Variants in PALB2 observed in about 807,000 individuals in gnomAD.
PALB2 encodes the protein mutant partner and localizer of BRCA2.
PALB2 carries 82 observed loss-of-function variants against 107.4 expected under a neutral mutation model. That is an observed-to-expected ratio of 0.76 (90% CI 0.64 to 0.92). PALB2 has a LOEUF of 0.92. Among genes scored for constraint, PALB2 ranks in the 40% least tolerant of loss-of-function variants. The pLI is 0.00. For missense variants in PALB2, 1,374 were observed against 1,379.9 expected (o/e 1.00, Z 0.07); for synonymous variants, 489 against 496.8 (o/e 0.98, Z 0.21).
At chr16:23,634,643 A>T (rs543984232) in intron 4 of PALB2, among the ~76,000 whole-genome samples, 14 of 77,502 alleles carry the variant, frequency 1.8e-4, no homozygotes, top group East Asian at 3.1e-4. Flanking sequence ...CTTTATTTTT[A>T]TTTATTTATT....
At chr16:23,633,571 C>G (rs1287141747) in intron 4 of PALB2, among the ~76,000 whole-genome samples, 1 of 152,196 alleles carries the variant, frequency 6.6e-6, no homozygotes, top group African/African-American at 2.4e-5. Context: ...TACAATGTAT[C>G]GTTGCTGCCC....
At chr16:23,605,589 A>G (rs1261678591) in intron 12 of PALB2, among the ~76,000 whole-genome samples, 38 of 152,082 alleles carry the variant, frequency 2.5e-4, no homozygotes, top group Admixed American at 2.5e-3. Context: ...TTGTATTTTT[A>G]GTGGAGACAG....
At chr16:23,611,692 A>C (rs1362645602) in intron 11 of PALB2, among the ~76,000 whole-genome samples, 1 of 152,094 alleles carries the variant, frequency 6.6e-6, no homozygotes, top group Non-Finnish European at 1.5e-5. Context: ...TCCCGACCTC[A>C]GGTGATCCAC....
rs2142253354 is a variant in PALB2 at position 23,603,561 on chromosome 16, A to T, written c.3459T>A (p.Pro1153=). ...LLGQCTALLP[P]VSDQHWSFVK... is the part of the protein sequence containing the mutation. ...CAAAAGACCAATGTTGGTCAGAGAC[A>T]GGTGGGAGGAGGGCAGTACACTGAC... Residue 1153 remains proline, a synonymous_variant, in exon 13 of 13, where the codon CCT becomes CCA. Transcript: ENST00000261584. The T allele has an allele frequency of 1.2e-6, 2 of 1,614,144 alleles. No individual in the cohort carries two copies. The highest frequency in any genetic ancestry group is 1.1e-5 in the South Asian group (1 of 91,080).
At chr16:23,626,785 C>A (rs968060391) in intron 6 of PALB2, among the ~76,000 whole-genome samples, 11 of 151,924 alleles carry the variant, frequency 7.2e-5, no homozygotes, top group African/African-American at 2.7e-4. Context: ...CCACACCCAG[C>A]TAATTTTTGT....
In PALB2 at chr16:23,641,149, C is replaced by T. The variant is rs786202325; in HGVS notation, c.9G>A (p.Glu3=). The change falls in exon 1 of 13, where the codon GAG becomes GAA. Residue 3 remains glutamate (E), a synonymous_variant. Transcript: ENST00000261584. ...CACAGCTGAGGGGCTTCCCGGGAGG[C>T]TCGTCCATCGGGCAGGCGACAGAAC... MD[E]PPGKPLSCEE... The T allele has an allele frequency of 4.3e-6, 7 of 1,613,180 alleles. No homozygotes were observed. The highest frequency in any genetic ancestry group is 5.9e-6 in the Non-Finnish European group (7 of 1,179,812).
In PALB2 at chr16:23,635,195, A is replaced by C. The variant is rs772691867; in HGVS notation, c.1351T>G (p.Leu451Val). 5 of 1,614,074 alleles carry C rather than the reference A, an allele frequency of 3.1e-6. No individual in the cohort carries two copies. The highest frequency in any genetic ancestry group is 1.7e-5 in the Admixed American group (1 of 60,010). ...KNKNKDASKN[L>V]NLSNEETDQS... ...TCAGTTTCCTCATTGGAAAGGTTTA[A>C]ATTTTTACTTGCATCCTTATTTTTA... is the stretch of plus-strand genomic sequence containing the variant. The change falls in exon 4 of 13, where the codon TTA becomes GTA. Residue 451 changes from leucine (L) to valine (V), a missense_variant. Transcript: ENST00000261584.
chr16:23,640,621 G>C, intron 1 of PALB2: 1 of 234,612 alleles, frequency 4.3e-6, no homozygotes, highest in Non-Finnish European at 8.4e-6. Context: ...TGTCCTGACA[G>C]GAAAGCTAAA....
chr16:23,631,109 CAAAAAA>C (rs58841030), intron 4 of PALB2, among the ~76,000 whole-genome samples: 1 of 58,464 alleles, frequency 1.7e-5, no homozygotes, highest in East Asian at 4.2e-4. Flanking sequence ...ACTAAAAATA[CAAAAAA>C]AAAAAAAAAA....
rs762445362 is a variant in PALB2 at position 23,623,014 on chromosome 16, A to G, written c.2951T>C (p.Leu984Pro). 6.2e-7 allele frequency: 1 copy of G among 1,614,120 alleles called. No homozygotes were observed. The highest frequency in any genetic ancestry group is 8.5e-7 in the Non-Finnish European group (1 of 1,180,026). The change falls in exon 9 of 13, where the codon CTT (leucine) becomes CCT (proline). Residue 984 changes from leucine (L) to proline (P), a missense_variant. By Grantham distance (98) the Leu-to-Pro change is moderately conservative (BLOSUM62 -3). Coordinates refer to ENST00000261584, the MANE Select transcript of PALB2 (RefSeq NM_024675.4). ...CATGACTTCTACTTGTTGATCAGAA[A>G]GGGTCCCACTGCTACTAACTAGCCT... ...KRRLVSSSGT[L>P]SDQQVEVMTF...
chr16:23,611,820 C>T (rs1223091973), intron 11 of PALB2, among the ~76,000 whole-genome samples: 3 of 152,174 alleles, frequency 2.0e-5, no homozygotes, highest in Non-Finnish European at 2.9e-5. Flanking sequence ...GTGGTGCCAT[C>T]ATGGCTCACT....
rs762129437 is a variant in PALB2 at position 23,629,247 on chromosome 16, T to A, written c.2543A>T (p.Asp848Val). The A allele has an allele frequency of 6.2e-7, 1 of 1,613,758 alleles. No individual in the cohort carries two copies. Among genetic ancestry groups the A allele is most frequent in the South Asian group, 1.1e-5 (1 of 91,088 alleles). ...TTGTAGGTTGCCTGGGTTTATGCTA[T>A]CAGAAGCAGGAAGCTCTGCTGTTTC... Reference protein sequence around the residue: ...QTETAELPASDSINPGNLQLV... With the variant: ...QTETAELPASVSINPGNLQLV... The change falls in exon 6 of 13, where the codon GAT (aspartate) becomes GTT (valine). Residue 848 changes from aspartate to valine, a missense_variant. Transcript: ENST00000261584.
intron 4 of PALB2, among the ~76,000 whole-genome samples, chr16:23,632,560 G>C (rs1054290242): frequency 6.6e-6 from 1 of 152,158 alleles, no homozygotes; most frequent in African/African-American, 2.4e-5. Flanking sequence ...ATGCAGATTG[G>C]TGGTTGCCCA....
intron 9 of PALB2, among the ~76,000 whole-genome samples, chr16:23,622,304 T>G (rs1022052035): frequency 2.2e-4 from 34 of 152,096 alleles, no homozygotes; most frequent in Admixed American, 2.0e-3. Flanking sequence ...AGCACCAAGA[T>G]GGTCAGTGAA....
At chr16:23,639,591 G>A (rs577665577) in intron 1 of PALB2, among the ~76,000 whole-genome samples, 15 of 150,768 alleles carry the variant, frequency 9.9e-5, no homozygotes, top group Non-Finnish European at 1.5e-5. Context: ...AGGCCAAGGC[G>A]GGCAGATTAC....
At chr16:23,611,078 G>GTCTGTCTA (rs374181299) in intron 11 of PALB2, among the ~76,000 whole-genome samples, 5,224 of 148,162 alleles carry the variant, frequency 0.035, 139 homozygotes, top group Non-Finnish European at 0.051. Context: ...TCAACTGTCA[G>GTCTGTCTA]TCTATCTATC....
rs1966807401 is a variant in PALB2, at chr16:23,623,199, A to AC, written c.2835-70dup. 6 of 1,109,628 alleles carry AC rather than the reference A, an allele frequency of 5.4e-6. No homozygotes were observed. The South Asian group carries it at 6.1e-5, about 11-fold the overall frequency. The allele number at this position is 1,109,628 out of a possible 1,614,324, so 68.7% of individuals were successfully genotyped here. On this transcript the variant is annotated intron_variant, in intron 8 of 12. Transcript: ENST00000261584. ...CTTTTAATATTAAAGGACTAGGTTC[A>AC]CTTTTTTTTTTTTTTTTTTTTTGAG...
chr16:23,638,768 T>C (rs1967129757), intron 1 of PALB2, among the ~76,000 whole-genome samples: 1 of 152,200 alleles, frequency 6.6e-6, no homozygotes, highest in African/African-American at 2.4e-5. Flanking sequence ...ACTGGCCTAC[T>C]GACAGGGACT....
In PALB2 at chr16:23,630,402, A is replaced by C. The variant is rs1060504717; in HGVS notation, c.1752T>G (p.Asp584Glu). 6.2e-7 allele frequency: 1 copy of C among 1,614,162 alleles called. No homozygotes were observed. The highest frequency in any genetic ancestry group is 1.1e-5 in the South Asian group (1 of 91,078). ...SWSNSAYLSL[D>E]DDAFTAPFHR... Reference sequence around the variant, plus strand: ...GAAATGGAGCCGTGAAAGCATCATCATCCAAGGATAAATAAGCACTATTAC... The same window carrying C: ...GAAATGGAGCCGTGAAAGCATCATCCTCCAAGGATAAATAAGCACTATTAC... Residue 584 changes from aspartate (D) to glutamate (E), a missense_variant, in exon 5 of 13, where the codon GAT becomes GAG. Physicochemically the swap from Asp to Glu is conservative, Grantham distance 45. Transcript: ENST00000261584.
Sources: gnomAD v4.1 joint callset for allele counts (sites outside exome capture counted in the v4.1 genomes callset) on GRCh38, gnomAD v4.1.1 for gene constraint, MANE v1.5 for transcripts, NCBI Gene and HGNC (gene_info 2026-07-23, HGNC 2026-07-21) for gene names.